The following EXOC6B variants were observed in gnomAD, a reference collection of about 807,000 sequenced individuals.
EXOC6B encodes the protein SEC15 homolog B.
EXOC6B carries 54 observed loss-of-function variants against 113.5 expected under a neutral mutation model. The observed-to-expected ratio is 0.48, with a 90% CI of 0.38 to 0.60. EXOC6B has a LOEUF of 0.60. Among genes scored for constraint, EXOC6B ranks in the 20% least tolerant of loss-of-function variants. The probability of loss-of-function intolerance (pLI) is 0.00; values close to 1 mark genes in which losing one functional copy is unlikely to be tolerated. For synonymous variants in EXOC6B, 357 were observed against 339.0 expected (o/e 1.05, Z -0.58); for missense variants, 797 against 977.5 (o/e 0.82, Z 2.46).
intron 20 of EXOC6B, among the ~76,000 whole-genome samples, chr2:72,272,931 AGT>A (rs1397258138): frequency 6.6e-6 from 1 of 152,178 alleles, no homozygotes; most frequent in African/African-American, 2.4e-5. Context: ...ACTAAGGAAA[AGT>A]GTTCATTTTC....
intron 5 of EXOC6B, among the ~76,000 whole-genome samples, chr2:72,729,184 C>A (rs779077064): frequency 6.6e-6 from 1 of 151,884 alleles, no homozygotes; most frequent in Non-Finnish European, 1.5e-5. Context: ...AATAGAAGAA[C>A]ATTCAATAAA....
At chr2:72,456,899 G>A (rs1356358728) in intron 18 of EXOC6B, among the ~76,000 whole-genome samples, 2 of 151,990 alleles carry the variant, frequency 1.3e-5, no homozygotes, top group South Asian at 2.1e-4. Flanking sequence ...TAGGAGAACT[G>A]GTAAGGCCTC....
intron 18 of EXOC6B, among the ~76,000 whole-genome samples, chr2:72,420,553 C>CA (rs1345139575): frequency 6.6e-6 from 1 of 152,168 alleles, no homozygotes; most frequent in Non-Finnish European, 1.5e-5. Context: ...CATGTCCCTG[C>CA]AAAGGACATG....
intron 19 of EXOC6B, among the ~76,000 whole-genome samples, chr2:72,342,356 C>G (rs1689080276): frequency 6.6e-6 from 1 of 151,930 alleles, no homozygotes; most frequent in Non-Finnish European, 1.5e-5. Flanking sequence ...AATTGACAAG[C>G]CCTTAGCTTG....
At chr2:72,642,839 G>A (rs1368225884) in intron 6 of EXOC6B, among the ~76,000 whole-genome samples, 1 of 151,236 alleles carries the variant, frequency 6.6e-6, no homozygotes, top group Non-Finnish European at 1.5e-5. Flanking sequence ...CCTACAAAAT[G>A]GGAGAAAATT....
At chr2:72,403,786 C>T (rs1386772573) in intron 18 of EXOC6B, among the ~76,000 whole-genome samples, 5 of 152,142 alleles carry the variant, frequency 3.3e-5, no homozygotes, top group East Asian at 1.9e-4. Flanking sequence ...GCGTGAGCGA[C>T]GCATAAGACT....
chr2:72,285,519 A>G (rs984134864), intron 20 of EXOC6B, among the ~76,000 whole-genome samples: 2 of 152,152 alleles, frequency 1.3e-5, no homozygotes, highest in Admixed American at 6.5e-5. Flanking sequence ...GTAAAATACA[A>G]AACTATAAAG....
chr2:72,591,974 C>T (rs1377412251), intron 6 of EXOC6B, among the ~76,000 whole-genome samples: 1 of 151,758 alleles, frequency 6.6e-6, no homozygotes, highest in South Asian at 2.1e-4. Flanking sequence ...AGAATAGTTA[C>T]ATGGAGAAAT....
At chr2:72,444,302 G>A (rs1696427521) in intron 18 of EXOC6B, among the ~76,000 whole-genome samples, 2 of 152,224 alleles carry the variant, frequency 1.3e-5, no homozygotes, top group African/African-American at 4.8e-5. Flanking sequence ...TGCCCCTGTG[G>A]CTTTGCAGAG....
At chr2:72,282,484 C>T (rs1444394659) in intron 20 of EXOC6B, among the ~76,000 whole-genome samples, 1 of 149,048 alleles carries the variant, frequency 6.7e-6, no homozygotes, top group Admixed American at 6.7e-5. Context: ...TTTTAAAAGG[C>T]AGGAAAGGAG....
chr2:72,300,096 T>G (rs1407921627), intron 20 of EXOC6B, among the ~76,000 whole-genome samples: 1 of 152,158 alleles, frequency 6.6e-6, no homozygotes, highest in African/African-American at 2.4e-5. Context: ...GGCAGGGATC[T>G]TTAAGTCTGC....
chr2:72,220,778 T>C (rs1680818960), intron 20 of EXOC6B, among the ~76,000 whole-genome samples: 1 of 152,212 alleles, frequency 6.6e-6, no homozygotes. Flanking sequence ...CCTCAAACAT[T>C]GTACCCTGGG....
At chr2:72,495,758 A>G (rs1015673521) in intron 14 of EXOC6B, among the ~76,000 whole-genome samples, 1 of 152,226 alleles carries the variant, frequency 6.6e-6, no homozygotes, top group Non-Finnish European at 1.5e-5. Flanking sequence ...GGAAAGAGAT[A>G]AACAAATTGT....
At chr2:72,574,214 G>A (rs893192177) in intron 7 of EXOC6B, among the ~76,000 whole-genome samples, 1 of 151,454 alleles carries the variant, frequency 6.6e-6, no homozygotes, top group Non-Finnish European at 1.5e-5. Flanking sequence ...ATCTTTATTT[G>A]TTTTTCAGCT....
At chr2:72,557,947 T>C (rs1703657580) in intron 8 of EXOC6B, among the ~76,000 whole-genome samples, 1 of 152,142 alleles carries the variant, frequency 6.6e-6, no homozygotes, top group Admixed American at 6.5e-5. Context: ...TTTTCATGTA[T>C]TATGTTTTAT....
At chr2:72,441,429 C>A (rs1573124969) in intron 18 of EXOC6B, among the ~76,000 whole-genome samples, 1 of 150,976 alleles carries the variant, frequency 6.6e-6, no homozygotes, top group African/African-American at 2.4e-5. Context: ...AACCAAAAAA[C>A]CATTCAAAAG....
intron 18 of EXOC6B, among the ~76,000 whole-genome samples, chr2:72,424,735 T>TGATC (rs1310934406): frequency 5.3e-5 from 8 of 152,230 alleles, no homozygotes; most frequent in African/African-American, 1.9e-4. Flanking sequence ...ACTACTCCTG[T>TGATC]GATCAAACAA....
intron 20 of EXOC6B, among the ~76,000 whole-genome samples, chr2:72,284,077 T>C (rs1214444245): frequency 6.6e-6 from 1 of 152,108 alleles, no homozygotes; most frequent in African/African-American, 2.4e-5. Flanking sequence ...TAGGAATTAT[T>C]TACAAAATCT....
At chr2:72,439,800 T>A (rs1218117874) in intron 18 of EXOC6B, among the ~76,000 whole-genome samples, 1 of 152,240 alleles carries the variant, frequency 6.6e-6, no homozygotes, top group Non-Finnish European at 1.5e-5. Flanking sequence ...AAGAGGGTAC[T>A]CTGGCTTTTT....
Sources: gnomAD v4.1 joint callset for allele counts (sites outside exome capture counted in the v4.1 genomes callset) on GRCh38, gnomAD v4.1.1 for gene constraint, MANE v1.5 for transcripts, NCBI Gene and HGNC (gene_info 2026-07-23, HGNC 2026-07-21) for gene names.